CNGB3: variants seen among roughly 807,000 people sequenced by gnomAD.
CNGB3 encodes cyclic nucleotide-gated channel beta-3.
Under a neutral mutation model 92.8 loss-of-function variants are expected in CNGB3, and 86 were observed. The ratio of observed to expected loss-of-function variants is 0.93; its 90% CI spans 0.78 to 1.11. CNGB3 has a LOEUF of 1.11. Among genes scored for constraint, CNGB3 ranks in the 50% least tolerant of loss-of-function variants. The pLI is 0.00. For missense variants in CNGB3, 1,026 were observed against 956.8 expected (o/e 1.07, Z -0.95); for synonymous variants, 333 against 332.7 (o/e 1.00, Z -0.01).
chr8:86,636,428 C>T (rs767251464), intron 10 of CNGB3, among the ~76,000 whole-genome samples: 3 of 151,166 alleles, frequency 2.0e-5, no homozygotes, highest in Non-Finnish European at 2.9e-5. Flanking sequence ...AAAAAGTAGC[C>T]GGGTATGGTG....
intron 3 of CNGB3, among the ~76,000 whole-genome samples, chr8:86,672,778 C>T (rs1823885439): frequency 6.6e-6 from 1 of 152,176 alleles, no homozygotes; most frequent in African/African-American, 2.4e-5. Flanking sequence ...CCATGTTTTT[C>T]TCTCTTACCT....
intron 3 of CNGB3, among the ~76,000 whole-genome samples, chr8:86,671,904 C>T (rs540165071): frequency 3.3e-5 from 5 of 152,274 alleles, no homozygotes; most frequent in South Asian, 2.1e-4. Flanking sequence ...GCCAAGAACC[C>T]GGTTGAGCCC....
chr8:86,629,510 A>G (rs745356082), intron 11 of CNGB3, among the ~76,000 whole-genome samples: 1 of 152,186 alleles, frequency 6.6e-6, no homozygotes, highest in Non-Finnish European at 1.5e-5. Flanking sequence ...AAGTTGAGCA[A>G]TTGTCTGGCA....
At chr8:86,599,624 G>T in intron 15 of CNGB3, among the ~76,000 whole-genome samples, 1 of 152,152 alleles carries the variant, frequency 6.6e-6, no homozygotes, top group Non-Finnish European at 1.5e-5. Context: ...CCACCTTGGG[G>T]GCGGCTGTCT....
chr8:86,729,251 C>A (rs182209390), intron 2 of CNGB3, among the ~76,000 whole-genome samples: 1 of 152,146 alleles, frequency 6.6e-6, no homozygotes, highest in Non-Finnish European at 1.5e-5. Flanking sequence ...TATACCTCCT[C>A]CATCTCTCAT....
chr8:86,681,678 G>C (rs1265296795), intron 3 of CNGB3, among the ~76,000 whole-genome samples: 3 of 152,020 alleles, frequency 2.0e-5, no homozygotes, highest in African/African-American at 7.2e-5. Flanking sequence ...AGAAATCTCA[G>C]AACACTAAAA....
intron 3 of CNGB3, among the ~76,000 whole-genome samples, chr8:86,691,098 A>G (rs796553091): frequency 3.9e-5 from 6 of 152,162 alleles, no homozygotes; most frequent in African/African-American, 1.2e-4. Context: ...CTGGTTTGGT[A>G]TAATTTTAAG....
intron 10 of CNGB3, among the ~76,000 whole-genome samples, chr8:86,639,037 C>T (rs1233516961): frequency 1.3e-5 from 2 of 151,944 alleles, no homozygotes; most frequent in East Asian, 3.9e-4. Flanking sequence ...GTCTCATCAT[C>T]TTTATCTGTA....
At chr8:86,605,998 T>G (rs1251659438) in intron 14 of CNGB3, among the ~76,000 whole-genome samples, 1 of 152,196 alleles carries the variant, frequency 6.6e-6, no homozygotes, top group Non-Finnish European at 1.5e-5. Context: ...AGGCACAGAT[T>G]GGCTTAGCCA....
chr8:86,603,600 A>G lies in CNGB3; in HGVS notation c.1781+493T>C, dbSNP rs534263870. Among the ~76,000 whole-genome samples, 64 of 152,296 alleles carry G rather than the reference A, an allele frequency of 4.2e-4. No individual in the cohort carries two copies. The South Asian group carries it at 0.013, about 31-fold the overall frequency. On this transcript the variant is annotated intron_variant, in intron 15 of 17. Transcript: ENST00000320005. ...CCAACACTTTAAGATATGTTCTATT[A>G]TTATCCTAATTATTAAGGTGAGGAA... is the stretch of plus-strand genomic sequence containing the variant.
chr8:86,620,383 C>G (rs1162892401), intron 13 of CNGB3, among the ~76,000 whole-genome samples: 2 of 152,136 alleles, frequency 1.3e-5, no homozygotes, highest in Non-Finnish European at 2.9e-5. Context: ...CTCTGCTTGG[C>G]TTGCAGATGG....
At chr8:86,697,119 T>C (rs1824464617) in intron 3 of CNGB3, among the ~76,000 whole-genome samples, 1 of 152,144 alleles carries the variant, frequency 6.6e-6, no homozygotes, top group Non-Finnish European at 1.5e-5. Flanking sequence ...AAGTCCTTAC[T>C]TATGGATGAT....
chr8:86,659,206 G>A, intron 6 of CNGB3: 1 of 720,822 alleles, frequency 1.4e-6, no homozygotes, highest in Non-Finnish European at 2.5e-6. Flanking sequence ...TGCATCCTCT[G>A]CTACCGCATG....
intron 13 of CNGB3, among the ~76,000 whole-genome samples, chr8:86,616,751 T>C (rs1002192612): frequency 6.6e-6 from 1 of 152,238 alleles, no homozygotes; most frequent in African/African-American, 2.4e-5. Context: ...CTCCCACTGA[T>C]GCCTGGCATT....
intron 3 of CNGB3, among the ~76,000 whole-genome samples, chr8:86,694,732 T>G (rs1285655789): frequency 6.7e-6 from 1 of 149,168 alleles, no homozygotes; most frequent in Non-Finnish European, 1.5e-5. Context: ...CCTCACTTCC[T>G]AGATGGGATG....
intron 15 of CNGB3, among the ~76,000 whole-genome samples, chr8:86,582,402 A>G (rs1206249398): frequency 6.6e-6 from 1 of 152,084 alleles, no homozygotes; most frequent in Non-Finnish European, 1.5e-5. Context: ...TCAAAAAAAA[A>G]AAAAAATGGC....
At chr8:86,740,433 T>C (rs1489925448) in intron 1 of CNGB3, among the ~76,000 whole-genome samples, 1 of 152,198 alleles carries the variant, frequency 6.6e-6, no homozygotes, top group Non-Finnish European at 1.5e-5. Flanking sequence ...CCAAAGAAAG[T>C]GACTCTTGAC....
At chr8:86,656,858 C>A (rs1823517853) in intron 6 of CNGB3, among the ~76,000 whole-genome samples, 1 of 152,140 alleles carries the variant, frequency 6.6e-6, no homozygotes, top group African/African-American at 2.4e-5. Context: ...AGAAGTTTCC[C>A]AGTCCCAAAT....
At chr8:86,730,659 A>C (rs182261672) in intron 2 of CNGB3, among the ~76,000 whole-genome samples, 18 of 152,318 alleles carry the variant, frequency 1.2e-4, no homozygotes, top group African/African-American at 4.3e-4. Context: ...AGTTTTAAGA[A>C]GTATATGATT....
Sources: gnomAD v4.1 joint callset for allele counts (sites outside exome capture counted in the v4.1 genomes callset) on GRCh38, gnomAD v4.1.1 for gene constraint, MANE v1.5 for transcripts, NCBI Gene and HGNC (gene_info 2026-07-23, HGNC 2026-07-21) for gene names.